ZDHHC13: variants seen among roughly 807,000 people sequenced by gnomAD.
ZDHHC13 encodes the protein palmitoyltransferase ZDHHC13.
ZDHHC13 carries 85 observed loss-of-function variants against 86.0 expected under a neutral mutation model. The observed-to-expected ratio is 0.99, with a 90% confidence interval of 0.83 to 1.18. The LOEUF is 1.18. ZDHHC13 is among the 50% of genes most tolerant of loss of function. The probability of loss-of-function intolerance (pLI) is 0.00; values close to 1 mark genes in which losing one functional copy is unlikely to be tolerated. For missense variants in ZDHHC13, 711 were observed against 730.2 expected (o/e 0.97, Z 0.30); for synonymous variants, 263 against 246.4 (o/e 1.07, Z -0.63).
chr11:19,137,577 T>G (rs1203812444), intron 1 of ZDHHC13, among the ~76,000 whole-genome samples: 1 of 151,888 alleles, frequency 6.6e-6, no homozygotes, highest in African/African-American at 2.4e-5. Flanking sequence ...CTAATAGACA[T>G]CTACAGAACT....
chr11:19,138,093 A>T (rs1442921442), intron 1 of ZDHHC13, among the ~76,000 whole-genome samples: 1 of 152,056 alleles, frequency 6.6e-6, no homozygotes, highest in Admixed American at 6.6e-5. Context: ...GAGACACAAA[A>T]AAACCCTTCA....
chr11:19,155,855 C>T lies in ZDHHC13; in HGVS notation c.933C>T (p.Asp311=), dbSNP rs1475007686. 3 of 1,612,792 alleles carry T rather than the reference C, an allele frequency of 1.9e-6. No individual in the cohort carries two copies. Among genetic ancestry groups the T allele is most frequent in the Admixed American group, 1.7e-5 (1 of 59,668 alleles). ...TGTGGGCTATTGGATACATATTGGACTTCAATTCAGATTCTTGGCTTTTAA... is the reference window on the plus strand; with the variant it reads ...TGTGGGCTATTGGATACATATTGGATTTCAATTCAGATTCTTGGCTTTTAA... ...ITMWAIGYIL[D]FNSDSWLLKG... The change falls in exon 9 of 17, where the codon GAC becomes GAT. Residue 311 remains aspartate, a synonymous_variant. Transcript: ENST00000446113.
chr11:19,127,216 G>A (rs1391789190), intron 1 of ZDHHC13, among the ~76,000 whole-genome samples: 1 of 152,100 alleles, frequency 6.6e-6, no homozygotes, highest in Non-Finnish European at 1.5e-5. Context: ...GTGATGTTGA[G>A]CTTTTTTTCA....
chr11:19,127,974 C>G (rs1009202008), intron 1 of ZDHHC13, among the ~76,000 whole-genome samples: 2 of 152,036 alleles, frequency 1.3e-5, no homozygotes, highest in Non-Finnish European at 2.9e-5. Flanking sequence ...TAGTTTTTTC[C>G]TAGTTCTGTG....
chr11:19,169,417 A>C (rs573700104), intron 14 of ZDHHC13: 412 of 985,330 alleles, frequency 4.2e-4, no homozygotes, highest in Non-Finnish European at 4.7e-4. Context: ...AGAGACTTAA[A>C]GAGAAAAGAA....
chr11:19,124,841 CG>C (rs1848838713), intron 1 of ZDHHC13, among the ~76,000 whole-genome samples: 2 of 152,088 alleles, frequency 1.3e-5, no homozygotes, highest in South Asian at 4.2e-4. Flanking sequence ...AGAAAAAGAC[CG>C]GAATTCAAAA....
At chr11:19,161,158 C>CT (rs1263293120) in intron 10 of ZDHHC13, among the ~76,000 whole-genome samples, 4 of 151,986 alleles carry the variant, frequency 2.6e-5, no homozygotes, top group Non-Finnish European at 4.4e-5. Flanking sequence ...TTGTCTCAGG[C>CT]TGCCGTCTGG....
At chr11:19,156,336 T>C (rs1243656513) in intron 9 of ZDHHC13, among the ~76,000 whole-genome samples, 1 of 152,204 alleles carries the variant, frequency 6.6e-6, no homozygotes, top group Non-Finnish European at 1.5e-5. Context: ...TCAGTCATTT[T>C]TAGTTGAGTT....
chr11:19,162,994 G>T (rs966694317), intron 10 of ZDHHC13, among the ~76,000 whole-genome samples: 9 of 152,142 alleles, frequency 5.9e-5, no homozygotes, highest in African/African-American at 2.2e-4. Flanking sequence ...TCACAGGAGA[G>T]CCACAATTAC....
At chr11:19,168,834 C>T (rs1850142156) in intron 14 of ZDHHC13, 12 of 985,414 alleles carry the variant, frequency 1.2e-5, no homozygotes, top group Non-Finnish European at 1.4e-5. Context: ...GGTCTGTTTA[C>T]AAGGTGGATA....
rs746654703 is a variant in ZDHHC13, at chr11:19,170,544, T to G, written c.1608T>G (p.Phe536Leu). 6.5e-7 allele frequency: 1 copy of G among 1,527,728 alleles called. No homozygotes were observed. Among genetic ancestry groups the G allele is most frequent in the Admixed American group, 2.3e-5 (1 of 42,688 alleles). 94.6% of individuals were successfully genotyped at this position (1,527,728 alleles called of 1,614,324 possible). Residue 536 changes from phenylalanine (F) to leucine (L), a missense_variant, in exon 15 of 17, where the codon TTT (phenylalanine) becomes TTG (leucine). By Grantham distance (22) the Phe-to-Leu change is conservative (BLOSUM62 0). Transcript: ENST00000446113. ...LATFHFSWST[F>L]LLLNQLFQIA... ...CTTTCCATTTCTCATGGTCAACATT[T>G]TTATTATTAAATCAACTCTTTCAGG... is the stretch of plus-strand genomic sequence containing the variant.
intron 1 of ZDHHC13, 44 bp from the exon 2 acceptor site, chr11:19,142,934 A>T: frequency 6.5e-7 from 1 of 1,534,272 alleles, no homozygotes; most frequent in Non-Finnish European, 8.8e-7. Context: ...ATTGAGTGTG[A>T]CATTAATTCT....
intron 3 of ZDHHC13, among the ~76,000 whole-genome samples, chr11:19,147,228 A>G (rs1849489690): frequency 6.6e-6 from 1 of 152,134 alleles, no homozygotes; most frequent in Non-Finnish European, 1.5e-5. Context: ...ACATAACTTT[A>G]CCTTTCTCCT....
At chr11:19,138,894 G>A (rs1041752797) in intron 1 of ZDHHC13, among the ~76,000 whole-genome samples, 17 of 151,722 alleles carry the variant, frequency 1.1e-4, no homozygotes, top group African/African-American at 4.1e-4. Flanking sequence ...CAATAAATTA[G>A]GTATTGATGG....
intron 11 of ZDHHC13, 44 bp downstream of exon 11, chr11:19,163,471 A>C: frequency 1.3e-6 from 2 of 1,537,356 alleles, no homozygotes; most frequent in Non-Finnish European, 1.7e-6. Context: ...GAGGGTTTGT[A>C]AACTTTAGAA....
chr11:19,131,369 C>G (rs1848996955), intron 1 of ZDHHC13, among the ~76,000 whole-genome samples: 1 of 151,902 alleles, frequency 6.6e-6, no homozygotes, highest in Non-Finnish European at 1.5e-5. Flanking sequence ...GGGGCTTATC[C>G]TACTTGGGAT....
intron 8 of ZDHHC13, among the ~76,000 whole-genome samples, chr11:19,154,971 G>A (rs992579438): frequency 1.3e-5 from 2 of 152,116 alleles, no homozygotes; most frequent in African/African-American, 4.8e-5. Context: ...ACTTTTGACT[G>A]CCAGCTGGTT....
intron 6 of ZDHHC13, among the ~76,000 whole-genome samples, chr11:19,151,355 A>AT (rs1565033048): frequency 6.6e-6 from 1 of 151,986 alleles, no homozygotes; most frequent in African/African-American, 2.4e-5. Context: ...TTATCTAGGC[A>AT]GATACTTACG....
At chr11:19,126,502 A>AT (rs754405966) in intron 1 of ZDHHC13, among the ~76,000 whole-genome samples, 3,029 of 95,110 alleles carry the variant, frequency 0.032, 311 homozygotes, top group African/African-American at 0.091. Flanking sequence ...ACCCTGGCTA[A>AT]TTTTTTTTTT....
Sources: allele counts gnomAD v4.1 joint callset (sites outside exome capture counted in the v4.1 genomes callset), GRCh38; gene constraint gnomAD v4.1.1; transcripts MANE v1.5; gene names NCBI Gene and HGNC (gene_info 2026-07-23, HGNC 2026-07-21).